Variants in ANKIB1 observed in about 807,000 individuals in gnomAD.
The protein encoded by ANKIB1 is ankyrin repeat and IBR domain containing 1, also known as ankyrin repeat and IBR domain-containing protein 1.
ANKIB1 carries 43 observed loss-of-function variants against 122.1 expected under a neutral mutation model. That is an observed-to-expected ratio of 0.35 (90% CI 0.28 to 0.45). The LOEUF is 0.45. Ranked by LOEUF, ANKIB1 falls within the 20% of genes least tolerant of loss-of-function variation. The probability of loss-of-function intolerance (pLI) is 1.00; values close to 1 mark genes in which losing one functional copy is unlikely to be tolerated. For synonymous variants in ANKIB1, 390 were observed against 442.0 expected, an observed-to-expected ratio of 0.88 and a Z score of 1.48; for missense variants, 992 against 1,329.5, an observed-to-expected ratio of 0.75 and a Z score of 3.95.
intron 11 of ANKIB1, among the ~76,000 whole-genome samples, chr7:92,379,623 A>G (rs1361145175): frequency 6.6e-6 from 1 of 152,206 alleles, no homozygotes; most frequent in African/African-American, 2.4e-5. Flanking sequence ...CAACCAGTGG[A>G]GAAACATGAG....
chr7:92,294,643 G>A (rs190845954), intron 1 of ANKIB1: 30 of 376,530 alleles, frequency 8.0e-5, no homozygotes, highest in East Asian at 7.9e-4. Context: ...TTTGTAATCC[G>A]AAGGACTGCC....
intron 11 of ANKIB1, 51 bp from the exon 12 acceptor site, chr7:92,386,458 A>G: frequency 6.7e-7 from 1 of 1,501,720 alleles, no homozygotes; most frequent in Non-Finnish European, 8.9e-7. Context: ...AGCAGAAAAT[A>G]ATTTGCATAT....
intron 1 of ANKIB1, among the ~76,000 whole-genome samples, chr7:92,267,126 C>T (rs776633324): frequency 2.0e-5 from 3 of 152,078 alleles, no homozygotes; most frequent in Admixed American, 2.0e-4. Context: ...ACAACTCTTT[C>T]GAGAAGAAGA....
intron 1 of ANKIB1, among the ~76,000 whole-genome samples, chr7:92,264,185 G>GTT (rs552946409): frequency 2.1e-5 from 3 of 142,802 alleles, no homozygotes; most frequent in Non-Finnish European, 1.5e-5. Flanking sequence ...TTGTTTGTTG[G>GTT]TTTTTTTTTT....
At chr7:92,298,791 A>G (rs1239001530) in intron 2 of ANKIB1, among the ~76,000 whole-genome samples, 2 of 147,486 alleles carry the variant, frequency 1.4e-5, no homozygotes, top group Non-Finnish European at 3.0e-5. Context: ...AAAAAAAAGC[A>G]GTTTCCCCTA....
chr7:92,356,850 T>C (rs1032308131), intron 9 of ANKIB1, among the ~76,000 whole-genome samples: 1 of 152,184 alleles, frequency 6.6e-6, no homozygotes, highest in African/African-American at 2.4e-5. Context: ...TACAAAGAGA[T>C]GTTAAGAGAA....
At chr7:92,368,571 A>G (rs1054299644) in intron 10 of ANKIB1, among the ~76,000 whole-genome samples, 10 of 152,154 alleles carry the variant, frequency 6.6e-5, no homozygotes, top group Admixed American at 5.2e-4. Context: ...ACAAAAAAAA[A>G]TTAGCCAGGT....
At chr7:92,265,057 C>T (rs1027769321) in intron 1 of ANKIB1, among the ~76,000 whole-genome samples, 5 of 152,258 alleles carry the variant, frequency 3.3e-5, no homozygotes, top group African/African-American at 9.6e-5. Context: ...CTCACTATAA[C>T]GTCAAAATCC....
chr7:92,370,233 G>A (rs1043062465), intron 10 of ANKIB1, among the ~76,000 whole-genome samples: 4 of 151,978 alleles, frequency 2.6e-5, no homozygotes, highest in African/African-American at 9.7e-5. Context: ...TGGGGGCCGG[G>A]CACGGTGGCT....
intron 2 of ANKIB1, among the ~76,000 whole-genome samples, chr7:92,302,745 T>C (rs1228417618): frequency 2.0e-5 from 3 of 152,222 alleles, no homozygotes; most frequent in Non-Finnish European, 4.4e-5. Flanking sequence ...TTTCCAGTTA[T>C]TGATTTCTGT....
At chr7:92,348,292 C>G (rs1184879271) in intron 7 of ANKIB1, among the ~76,000 whole-genome samples, 1 of 152,068 alleles carries the variant, frequency 6.6e-6, no homozygotes, top group Non-Finnish European at 1.5e-5. Context: ...ATACAACTTC[C>G]CAGGGAATCT....
At chr7:92,309,930 A>T (rs1015186709) in intron 3 of ANKIB1, among the ~76,000 whole-genome samples, 1 of 115,252 alleles carries the variant, frequency 8.7e-6, no homozygotes, top group Admixed American at 8.5e-5. Context: ...ATCTAAAAAA[A>T]AAAAAAAAAA....
intron 3 of ANKIB1, among the ~76,000 whole-genome samples, chr7:92,315,524 T>G (rs1293962077): frequency 3.3e-5 from 5 of 152,152 alleles, no homozygotes; most frequent in African/African-American, 1.2e-4. Flanking sequence ...GAAGAATGCC[T>G]GTGTTCAAAG....
intron 2 of ANKIB1, among the ~76,000 whole-genome samples, chr7:92,299,945 C>T (rs1802428744): frequency 6.6e-6 from 1 of 152,108 alleles, no homozygotes; most frequent in Non-Finnish European, 1.5e-5. Flanking sequence ...GCTGGGACTA[C>T]AGGCATGTGC....
At chr7:92,267,730 G>A (rs1801703866) in intron 1 of ANKIB1, among the ~76,000 whole-genome samples, 1 of 152,168 alleles carries the variant, frequency 6.6e-6, no homozygotes, top group African/African-American at 2.4e-5. Flanking sequence ...TGGATATGCA[G>A]TTGACCATGC....
At chr7:92,383,241 A>G (rs924358632) in intron 11 of ANKIB1, among the ~76,000 whole-genome samples, 2 of 152,334 alleles carry the variant, frequency 1.3e-5, no homozygotes, top group African/African-American at 4.8e-5. Flanking sequence ...AAATTGAGGC[A>G]ATAATTAATA....
chr7:92,377,809 A>G (rs1438072124), intron 11 of ANKIB1, among the ~76,000 whole-genome samples: 1 of 152,148 alleles, frequency 6.6e-6, no homozygotes, highest in African/African-American at 2.4e-5. Flanking sequence ...ATAGAAGGGG[A>G]AAAAAGTTTT....
rs567345712 is a variant in ANKIB1, at chr7:92,305,043, A to G, written c.189-2316A>G. ...AAATGACTATAATTTTCTATTGTAT[A>G]TCAGATTTATGTTTCCCATTTCTAT... On this transcript the variant is annotated intron_variant, in intron 2 of 19. Transcript: ENST00000265742. Among the ~76,000 whole-genome samples, 45 of 152,318 alleles carry G rather than the reference A, an allele frequency of 3.0e-4. 1 individual carries two copies. The South Asian group carries it at 7.7e-3, about 26-fold the overall frequency.
chr7:92,357,533 G>A (rs780306502), intron 9 of ANKIB1, among the ~76,000 whole-genome samples: 1 of 151,900 alleles, frequency 6.6e-6, no homozygotes, highest in Non-Finnish European at 1.5e-5. Flanking sequence ...CCAGGAATTC[G>A]AAACCAGCCT....
Sources: allele counts gnomAD v4.1 joint callset (sites outside exome capture counted in the v4.1 genomes callset), GRCh38; gene constraint gnomAD v4.1.1; transcripts MANE v1.5; gene names NCBI Gene and HGNC (gene_info 2026-07-23, HGNC 2026-07-21).